PPARGC1A: variants seen among roughly 807,000 people sequenced by gnomAD.
PPARGC1A encodes the protein PPARG coactivator 1 alpha.
Under a neutral mutation model 88.7 loss-of-function variants are expected in PPARGC1A, and 25 were observed. The observed-to-expected ratio is 0.28, with a 90% CI of 0.21 to 0.39. The LOEUF is 0.39. Ranked by LOEUF, PPARGC1A falls within the 10% of genes least tolerant of loss-of-function variation. The pLI, the probability that PPARGC1A is intolerant of heterozygous loss-of-function variation, is 1.00. For missense variants in PPARGC1A, 880 were observed against 968.7 expected (o/e 0.91, Z 1.22); for synonymous variants, 363 against 355.6 (o/e 1.02, Z -0.24).
At chr4:24,028,093 C>A in the PPARGC1A span, among the ~76,000 whole-genome samples, 20 of 149,104 alleles carry the variant, frequency 1.3e-4, no homozygotes, top group African/African-American at 4.9e-4. Context: ...AATTTAACAC[C>A]AGGCATTGGA....
chr4:23,917,277 T>G, the PPARGC1A span, among the ~76,000 whole-genome samples: 1 of 152,186 alleles, frequency 6.6e-6, no homozygotes. Context: ...ATGCTGTAAG[T>G]GGCAGATTTC....
At chr4:24,356,200 CAAA>C in the PPARGC1A span, among the ~76,000 whole-genome samples, 1 of 74,532 alleles carries the variant, frequency 1.3e-5, no homozygotes, top group Non-Finnish European at 3.0e-5. Context: ...CCGTCTCAAA[CAAA>C]AAAAAAAAAA....
intron 9 of PPARGC1A, 69 bp from the exon 10 acceptor site, chr4:23,812,936 G>A (rs772750937): frequency 3.2e-5 from 52 of 1,612,600 alleles, no homozygotes; most frequent in Non-Finnish European, 4.3e-5. Flanking sequence ...TAATAATATG[G>A]GGAGGGGTAT....
At chr4:24,191,433 T>C in the PPARGC1A span, among the ~76,000 whole-genome samples, 3 of 152,326 alleles carry the variant, frequency 2.0e-5, no homozygotes, top group African/African-American at 7.2e-5. Context: ...TGCCCAGGTC[T>C]GTCTAGTTCC....
the PPARGC1A span, among the ~76,000 whole-genome samples, chr4:24,149,252 G>A: frequency 1.3e-5 from 2 of 152,004 alleles, no homozygotes; most frequent in African/African-American, 4.8e-5. Context: ...AAGAATAATG[G>A]AGATATGCCA....
At chr4:24,448,240 C>T in the PPARGC1A span, among the ~76,000 whole-genome samples, 1 of 152,210 alleles carries the variant, frequency 6.6e-6, no homozygotes, top group Non-Finnish European at 1.5e-5. Context: ...GAGGAGCCCA[C>T]GTCAGATTGA....
the PPARGC1A span, among the ~76,000 whole-genome samples, chr4:24,008,776 C>T: frequency 6.6e-6 from 1 of 151,978 alleles, no homozygotes; most frequent in East Asian, 1.9e-4. Flanking sequence ...CTGGGAAAAG[C>T]ACAGTTCCCT....
At chr4:23,979,166 G>A in the PPARGC1A span, among the ~76,000 whole-genome samples, 2 of 152,126 alleles carry the variant, frequency 1.3e-5, no homozygotes, top group African/African-American at 2.4e-5. Context: ...AAGAACACTA[G>A]CACCATTTTT....
chr4:24,120,886 G>A, the PPARGC1A span, among the ~76,000 whole-genome samples: 33 of 152,238 alleles, frequency 2.2e-4, no homozygotes, highest in East Asian at 9.7e-4. Flanking sequence ...AATTTCTGTC[G>A]TTTATAAGCT....
chr4:24,128,531 A>AGTGTGTGTGTGTGTGTGT, the PPARGC1A span, among the ~76,000 whole-genome samples: 9 of 138,182 alleles, frequency 6.5e-5, no homozygotes, highest in East Asian at 4.4e-4. Flanking sequence ...AGCCTGTCAC[A>AGTGTGTGTGTGTGTGTGT]GTGTGTGTGT....
the PPARGC1A span, among the ~76,000 whole-genome samples, chr4:24,321,599 G>A: frequency 2.6e-5 from 4 of 152,328 alleles, no homozygotes; most frequent in East Asian, 5.8e-4. Context: ...AGAACCCAGA[G>A]AGGCACCAAT....
the PPARGC1A span, among the ~76,000 whole-genome samples, chr4:24,352,148 G>A: frequency 1.3e-5 from 2 of 152,122 alleles, no homozygotes; most frequent in Non-Finnish European, 2.9e-5. Flanking sequence ...GAGGCGAGAG[G>A]CCAGGAGAAG....
At chr4:23,812,680 C>A in intron 10 of PPARGC1A, 67 bp downstream of exon 10, 1 of 1,597,306 alleles carries the variant, frequency 6.3e-7, no homozygotes. Context: ...TAATCTATCA[C>A]CAAAAAAAGC....
the PPARGC1A span, among the ~76,000 whole-genome samples, chr4:24,228,292 G>T: frequency 9.2e-5 from 14 of 152,174 alleles, no homozygotes; most frequent in African/African-American, 3.4e-4. Flanking sequence ...GCCCAGGTAG[G>T]CATAAAATAC....
chr4:24,142,626 A>T, the PPARGC1A span, among the ~76,000 whole-genome samples: 5 of 151,890 alleles, frequency 3.3e-5, no homozygotes, highest in African/African-American at 1.2e-4. Context: ...GTGAGCAGAG[A>T]TCACACCACT....
the PPARGC1A span, among the ~76,000 whole-genome samples, chr4:24,034,833 C>T: frequency 6.6e-6 from 1 of 152,154 alleles, no homozygotes; most frequent in Non-Finnish European, 1.5e-5. Flanking sequence ...GTGATGCATA[C>T]AGAAACCAAA....
the PPARGC1A span, among the ~76,000 whole-genome samples, chr4:23,937,420 G>A: frequency 1.3e-5 from 2 of 152,120 alleles, no homozygotes; most frequent in East Asian, 1.9e-4. Context: ...TTGGCACTAA[G>A]CCAGAGGTAG....
chr4:23,831,492 A>C, intron 3 of PPARGC1A, 65 bp downstream of exon 3: 1 of 1,406,198 alleles, frequency 7.1e-7, no homozygotes, highest in Non-Finnish European at 1.0e-6. Context: ...TGACTACATC[A>C]TACCCATGCA....
the PPARGC1A span, among the ~76,000 whole-genome samples, chr4:24,172,952 A>G: frequency 1.3e-5 from 2 of 152,214 alleles, no homozygotes; most frequent in Non-Finnish European, 1.5e-5. Flanking sequence ...CAATTTTTCC[A>G]AAACCCAGGG....
Sources: allele counts gnomAD v4.1 joint callset (sites outside exome capture counted in the v4.1 genomes callset), GRCh38; gene constraint gnomAD v4.1.1; transcripts MANE v1.5; gene names NCBI Gene and HGNC (gene_info 2026-07-23, HGNC 2026-07-21).